DLG2: variants seen among roughly 807,000 people sequenced by gnomAD.
The protein encoded by DLG2 is disks large homolog 2.
In DLG2, 45 loss-of-function variants were observed where a neutral mutation model predicts 132.5. That is an observed-to-expected ratio of 0.34 (90% confidence interval 0.27 to 0.44). The LOEUF (loss-of-function observed/expected upper bound fraction) is 0.44. DLG2 is among the 20% of genes least tolerant of loss of function. DLG2 has a pLI of 1.00. For missense variants in DLG2, 1,045 were observed against 1,196.9 expected, an observed-to-expected ratio of 0.87 and a Z score of 1.87; for synonymous variants, 424 against 419.6, an observed-to-expected ratio of 1.01 and a Z score of -0.13.
chr11:85,113,707 G>A (rs2073123880), intron 5 of DLG2, among the ~76,000 whole-genome samples: 1 of 151,956 alleles, frequency 6.6e-6, no homozygotes, highest in Non-Finnish European at 1.5e-5. Context: ...TAACACTTTA[G>A]ACCACACTTT....
intron 3 of DLG2, among the ~76,000 whole-genome samples, chr11:85,560,372 T>C (rs2077170215): frequency 6.6e-6 from 1 of 151,900 alleles, no homozygotes. Context: ...AAATGTGATA[T>C]GTGTATATTA....
At chr11:83,899,404 T>C (rs1172625347) in intron 15 of DLG2, among the ~76,000 whole-genome samples, 6 of 152,210 alleles carry the variant, frequency 3.9e-5, no homozygotes, top group Non-Finnish European at 8.8e-5. Flanking sequence ...GGTTCTACTT[T>C]TAGAACATTT....
At chr11:85,173,114 C>G (rs1595066715) in intron 4 of DLG2, among the ~76,000 whole-genome samples, 1 of 152,140 alleles carries the variant, frequency 6.6e-6, no homozygotes, top group African/African-American at 2.4e-5. Context: ...TTCAAAAAAT[C>G]CAGGGAACCC....
At chr11:84,851,889 T>C (rs1429803524) in intron 6 of DLG2, among the ~76,000 whole-genome samples, 6 of 151,978 alleles carry the variant, frequency 3.9e-5, no homozygotes, top group East Asian at 3.9e-4. Flanking sequence ...TACAATTTTG[T>C]ATTTAAGTAA....
chr11:84,578,141 C>T (rs2099507458), intron 6 of DLG2, among the ~76,000 whole-genome samples: 1 of 152,172 alleles, frequency 6.6e-6, no homozygotes, highest in South Asian at 2.1e-4. Context: ...TGACTGGATG[C>T]CTGGGCAAAA....
intron 14 of DLG2, among the ~76,000 whole-genome samples, chr11:83,956,563 C>T (rs962294730): frequency 2.0e-5 from 3 of 152,224 alleles, no homozygotes; most frequent in African/African-American, 7.2e-5. Flanking sequence ...CACATGCCCC[C>T]TCCCACAAGG....
intron 3 of DLG2, among the ~76,000 whole-genome samples, chr11:85,335,515 A>G (rs537166799): frequency 3.9e-5 from 6 of 152,196 alleles, no homozygotes; most frequent in African/African-American, 1.2e-4. Context: ...TCAATGGACT[A>G]TGTTATTATG....
intron 9 of DLG2, among the ~76,000 whole-genome samples, chr11:84,119,929 G>A (rs1014197628): frequency 6.6e-6 from 1 of 152,076 alleles, no homozygotes; most frequent in Non-Finnish European, 1.5e-5. Context: ...ACTTTGTACT[G>A]GAACATTTAT....
At chr11:83,724,914 T>A (rs760657946) in intron 18 of DLG2, 1 of 702,506 alleles carries the variant, frequency 1.4e-6, no homozygotes, top group South Asian at 1.5e-5. Context: ...GCTTCCCAAA[T>A]TCAGCTCTGT....
chr11:85,525,350 T>C (rs2074662905), intron 3 of DLG2, among the ~76,000 whole-genome samples: 1 of 152,162 alleles, frequency 6.6e-6, no homozygotes, highest in Admixed American at 6.5e-5. Flanking sequence ...CCTTTCCCAG[T>C]GAGGTCAGGA....
chr11:83,702,984 A>G (rs1226319202), intron 18 of DLG2, among the ~76,000 whole-genome samples: 1 of 152,242 alleles, frequency 6.6e-6, no homozygotes, highest in Non-Finnish European at 1.5e-5. Context: ...ATAATGACGC[A>G]TCAATCCAGT....
intron 6 of DLG2, among the ~76,000 whole-genome samples, chr11:85,022,705 C>T (rs1385067439): frequency 2.0e-5 from 3 of 152,030 alleles, no homozygotes; most frequent in South Asian, 2.1e-4. Context: ...TCTTTTCTTC[C>T]TCCTCATTAT....
At chr11:85,253,704 A>T (rs1053292196) in intron 4 of DLG2, among the ~76,000 whole-genome samples, 1 of 152,136 alleles carries the variant, frequency 6.6e-6, no homozygotes, top group Non-Finnish European at 1.5e-5. Flanking sequence ...ATGGCACCCG[A>T]GTTCTTGTCT....
intron 17 of DLG2, among the ~76,000 whole-genome samples, chr11:83,826,823 A>AG (rs1227909952): frequency 6.6e-6 from 1 of 152,168 alleles, no homozygotes; most frequent in Non-Finnish European, 1.5e-5. Flanking sequence ...GAGAAGCTGA[A>AG]GGTGTGGCTT....
At chr11:84,641,572 T>C (rs1028944405) in intron 6 of DLG2, among the ~76,000 whole-genome samples, 1 of 152,102 alleles carries the variant, frequency 6.6e-6, no homozygotes, top group Non-Finnish European at 1.5e-5. Context: ...TGTTTTTCTG[T>C]ATAGTAGCCT....
chr11:84,118,556 A>G (rs1285232104), intron 9 of DLG2, among the ~76,000 whole-genome samples: 1 of 152,218 alleles, frequency 6.6e-6, no homozygotes, highest in Non-Finnish European at 1.5e-5. Context: ...AATTCTCAAC[A>G]TCAATTCTAA....
intron 3 of DLG2, among the ~76,000 whole-genome samples, chr11:85,309,176 C>G (rs1596127204): frequency 6.6e-6 from 1 of 152,018 alleles, no homozygotes; most frequent in Non-Finnish European, 1.5e-5. Context: ...ACCAGAGCCA[C>G]CTCAGTCAAA....
chr11:84,695,327 C>T (rs1222542797), intron 6 of DLG2, among the ~76,000 whole-genome samples: 1 of 151,570 alleles, frequency 6.6e-6, no homozygotes, highest in African/African-American at 2.4e-5. Flanking sequence ...CCACTCTGTT[C>T]AACTTGCATT....
At chr11:84,016,263 A>C (rs2095177692) in intron 11 of DLG2, among the ~76,000 whole-genome samples, 1 of 152,082 alleles carries the variant, frequency 6.6e-6, no homozygotes, top group Admixed American at 6.6e-5. Flanking sequence ...AGTTCCTTAC[A>C]GATACTGGAT....
Sources: allele counts gnomAD v4.1 joint callset (sites outside exome capture counted in the v4.1 genomes callset), GRCh38; gene constraint gnomAD v4.1.1; transcripts MANE v1.5; gene names NCBI Gene and HGNC (gene_info 2026-07-23, HGNC 2026-07-21).